UTP6: variants seen among roughly 807,000 people sequenced by gnomAD.
UTP6 encodes U3 small nucleolar RNA-associated protein 6 homolog.
In UTP6, 60 loss-of-function variants were observed where a neutral mutation model predicts 96.5. The ratio of observed to expected loss-of-function variants is 0.62; its 90% CI spans 0.51 to 0.77. The LOEUF is 0.77. UTP6 is among the 30% of genes least tolerant of loss of function. UTP6 has a pLI of 0.00. For synonymous variants in UTP6, 215 were observed against 240.1 expected, an observed-to-expected ratio of 0.90 and a Z score of 0.96; for missense variants, 637 against 706.5, an observed-to-expected ratio of 0.90 and a Z score of 1.12.
intron 13 of UTP6, 35 bp downstream of exon 13, chr17:31,878,215 G>C (rs1326806737): frequency 1.2e-6 from 2 of 1,604,524 alleles, no homozygotes; most frequent in Non-Finnish European, 1.7e-6. Context: ...TAAGGTATTT[G>C]TAACTGGCAC....
chr17:31,863,399 A>G lies in UTP6; in HGVS notation c.1754T>C (p.Phe585Ser), dbSNP rs1598089523. The change falls in exon 19 of 19, where the codon TTT (phenylalanine) becomes TCT (serine). Residue 585 changes from phenylalanine to serine, a missense_variant. Physicochemically the swap from Phe to Ser is radical, Grantham distance 155. Coordinates refer to ENST00000261708, the MANE Select transcript of UTP6 (RefSeq NM_018428.3). ...KMLQGESAEA[F>S]VAKHAMHQTG... is the part of the protein sequence containing the mutation. The stretch of plus-strand genomic sequence containing the variant: ...CTGATGCATAGCATGTTTAGCTACA[A>G]ATGCCTCTGCTGACTCTCCCTGCAA... The G allele has an allele frequency of 2.5e-6, 4 of 1,614,060 alleles. No homozygotes were observed. The East Asian group carries it at 8.9e-5, about 36-fold the overall frequency.
At chr17:31,899,118 G>A (rs930060841) in intron 2 of UTP6, among the ~76,000 whole-genome samples, 4 of 152,236 alleles carry the variant, frequency 2.6e-5, no homozygotes, top group African/African-American at 7.2e-5. Context: ...GCAACATGCC[G>A]AAACCCTGTC....
intron 2 of UTP6, among the ~76,000 whole-genome samples, chr17:31,898,300 G>GC (rs1904773421): frequency 6.6e-6 from 1 of 152,112 alleles, no homozygotes; most frequent in South Asian, 2.1e-4. Context: ...ACTTTGGGAG[G>GC]CCGAGGCGGG....
chr17:31,884,690 A>C (rs187588971), intron 9 of UTP6, among the ~76,000 whole-genome samples, 185 bp from the exon 10 acceptor site: 1 of 151,738 alleles, frequency 6.6e-6, no homozygotes, highest in Non-Finnish European at 1.5e-5. Flanking sequence ...AAGCAAAGCT[A>C]TTGTTAATCT....
chr17:31,877,467 T>C (rs1004140315), intron 13 of UTP6, among the ~76,000 whole-genome samples: 1 of 152,190 alleles, frequency 6.6e-6, no homozygotes, highest in African/African-American at 2.4e-5. Context: ...AACGGTTTGA[T>C]ATGTTTCTTC....
In UTP6 at chr17:31,899,561, C is replaced by T. The variant is rs1904845530; in HGVS notation, c.177+85G>A. The T allele has an allele frequency of 3.9e-5, 41 of 1,061,336 alleles. No individual in the cohort carries two copies. The South Asian group carries it at 6.4e-4, about 17-fold the overall frequency. The allele number at this position is 1,061,336 out of a possible 1,614,324, so 65.7% of individuals were successfully genotyped here. On this transcript the variant is annotated intron_variant, in intron 2 of 18. Transcript: ENST00000261708. ...AGATCACACCATTCACACCACTGCA[C>T]TCCAACCTGGGTGACAGAGTGAGAT...
In UTP6 at chr17:31,878,242, GTTCTTACCAAC is replaced by G; in HGVS notation, c.1122_1125+7del. 6.2e-7 allele frequency: 1 copy of G among 1,613,610 alleles called. No homozygotes were observed. The highest frequency in any genetic ancestry group is 8.5e-7 in the Non-Finnish European group (1 of 1,179,576). ...AACTGGCACAGAATATTTTCTCTAT[GTTCTTACCAAC>G]TGCTTGTATTGGCATTCTGACAGAA... is the stretch of plus-strand genomic sequence containing the variant. On this transcript the variant is annotated splice_donor_variant and splice_donor_5th_base_variant and coding_sequence_variant and intron_variant, in exon 13 of 19. Coordinates refer to ENST00000261708, the MANE Select transcript of UTP6 (RefSeq NM_018428.3). LOFTEE classifies it high-confidence loss of function.
chr17:31,868,234 T>C (rs1909941982), intron 16 of UTP6, 122 bp from the exon 17 acceptor site: 2 of 752,226 alleles, frequency 2.7e-6, no homozygotes, highest in South Asian at 1.8e-5. Context: ...TGACTTCAAA[T>C]CAATGCAAGG....
At chr17:31,880,249 G>A (rs368173845) in intron 11 of UTP6, 55 of 311,574 alleles carry the variant, frequency 1.8e-4, no homozygotes, top group Non-Finnish European at 3.0e-4. Flanking sequence ...GTGAAACCCC[G>A]TCTCTACTAA....
rs957247100 is a variant in UTP6 at position 31,875,308 on chromosome 17, G to A, written c.1231C>T (p.Gln411Ter). ...GGGCTCTTTGACTCGATCAGCACCT[G>A]CAGCTTCAGCTGCCACATTGTCCCA... The part of the protein sequence containing the change: ...DSGTMWQLKL[Q>*]VLIESKSPDI... Residue 411 changes from glutamine (Q) to a stop codon, truncating the protein, a stop_gained, in exon 14 of 19, where the codon CAG becomes TAG. Coordinates refer to ENST00000261708, the MANE Select transcript of UTP6 (RefSeq NM_018428.3). LOFTEE classifies it high-confidence loss of function. The A allele has an allele frequency of 6.2e-7, 1 of 1,614,070 alleles. No individual in the cohort carries two copies. The highest frequency in any genetic ancestry group is 8.5e-7 in the Non-Finnish European group (1 of 1,180,026).
chr17:31,869,199 C>T (rs1022608304), intron 16 of UTP6, among the ~76,000 whole-genome samples: 3 of 152,194 alleles, frequency 2.0e-5, no homozygotes, highest in African/African-American at 7.2e-5. Flanking sequence ...GACAAAGTCT[C>T]CCTCTGTCAC....
intron 6 of UTP6, among the ~76,000 whole-genome samples, chr17:31,890,001 T>C (rs1911394894): frequency 6.6e-6 from 1 of 152,150 alleles, no homozygotes; most frequent in Admixed American, 6.6e-5. Context: ...GACATTATTG[T>C]AAGTCACATA....
intron 17 of UTP6, 147 bp from the exon 18 acceptor site, chr17:31,865,585 G>C: frequency 5.6e-6 from 4 of 715,336 alleles, no homozygotes. Context: ...ACTTTTCTAG[G>C]AAAAAAATCA....
intron 16 of UTP6, among the ~76,000 whole-genome samples, chr17:31,869,705 T>C (rs775652552): frequency 6.6e-6 from 1 of 152,192 alleles, no homozygotes; most frequent in Non-Finnish European, 1.5e-5. Context: ...GGGGAGTACA[T>C]GTGCAGGTTT....
intron 10 of UTP6, among the ~76,000 whole-genome samples, chr17:31,882,133 C>G (rs958558707): frequency 6.6e-6 from 1 of 152,064 alleles, no homozygotes; most frequent in Non-Finnish European, 1.5e-5. Context: ...TGGGTTCAAG[C>G]GATTCTCCTG....
chr17:31,867,507 CAA>C (rs753954881), intron 17 of UTP6, among the ~76,000 whole-genome samples: 40 of 117,658 alleles, frequency 3.4e-4, no homozygotes, highest in South Asian at 2.7e-4. Context: ...GACTCTATCT[CAA>C]AAAAAAAAAA....
chr17:31,894,964 A>G lies in UTP6; in HGVS notation c.219+6T>C, dbSNP rs776077264. On this transcript the variant is annotated splice_donor_region_variant and intron_variant, in intron 3 of 18. Transcript: ENST00000261708. ...TTCTCCAACTTCTAGAAAATCTTCT[A>G]CTTACTGTTCTTCTTCTCTGGATCA... is the stretch of plus-strand genomic sequence containing the variant. 14 of 1,566,158 alleles carry G rather than the reference A, an allele frequency of 8.9e-6. No individual in the cohort carries two copies. The highest frequency in any genetic ancestry group is 1.0e-5 in the Non-Finnish European group (12 of 1,144,582).
In UTP6 at chr17:31,863,409, C is replaced by G; in HGVS notation, c.1744G>C (p.Ala582Pro). Residue 582 changes from alanine to proline, a missense_variant, in exon 19 of 19, where the codon GCA becomes CCA. Ala to Pro is a conservative substitution (Grantham distance 27). Coordinates refer to ENST00000261708, the MANE Select transcript of UTP6 (RefSeq NM_018428.3). ...RAMKMLQGES[A>P]EAFVAKHAMH... ...GCATGTTTAGCTACAAATGCCTCTG[C>G]TGACTCTCCCTGCAACATTTTCATC... 6.2e-7 allele frequency: 1 copy of G among 1,614,072 alleles called. No individual in the cohort carries two copies. The highest frequency in any genetic ancestry group is 8.5e-7 in the Non-Finnish European group (1 of 1,180,012).
chr17:31,873,690 T>C lies in UTP6; in HGVS notation c.1369A>G (p.Thr457Ala), dbSNP rs538312192. ...GCCTATACCTTAAAGACTGCCTCAG[T>C]GTCTTCTTGGCTTTTGGCACCTTCA... is the stretch of plus-strand genomic sequence containing the variant. Reference protein sequence around the residue: ...WSEGAKSQEDTEAVFKKALLA... With the variant: ...WSEGAKSQEDAEAVFKKALLA... The change falls in exon 15 of 19, where the codon ACT becomes GCT. Residue 457 changes from threonine (T) to alanine (A), a missense_variant. Physicochemically the swap from Thr to Ala is moderately conservative, Grantham distance 58. Coordinates refer to ENST00000261708, the MANE Select transcript of UTP6 (RefSeq NM_018428.3). 6.2e-7 allele frequency: 1 copy of C among 1,613,534 alleles called. No homozygotes were observed. Among genetic ancestry groups the C allele is most frequent in the South Asian group, 1.1e-5 (1 of 90,956 alleles).
Sources: allele counts gnomAD v4.1 joint callset (sites outside exome capture counted in the v4.1 genomes callset), GRCh38; gene constraint gnomAD v4.1.1; transcripts MANE v1.5; gene names NCBI Gene and HGNC (gene_info 2026-07-23, HGNC 2026-07-21).